Variants in TMEM65 observed in about 807,000 individuals in gnomAD.
The protein encoded by TMEM65 is transmembrane protein 65.
TMEM65 carries 22 observed loss-of-function variants against 25.4 expected under a neutral mutation model. That is an observed-to-expected ratio of 0.86 (90% confidence interval 0.62 to 1.23). The LOEUF (loss-of-function observed/expected upper bound fraction) is 1.23, where lower values mean the gene tolerates loss of function less well. Among genes scored for constraint, TMEM65 ranks in the 50% most tolerant of loss-of-function variants. The pLI, the probability that TMEM65 is intolerant of heterozygous loss-of-function variation, is 0.00. For synonymous variants in TMEM65, 132 were observed against 126.2 expected (o/e 1.05, Z -0.31); for missense variants, 262 against 308.2 (o/e 0.85, Z 1.12).
chr8:124,365,787 C>T (rs1814930693), intron 1 of TMEM65, among the ~76,000 whole-genome samples: 1 of 152,188 alleles, frequency 6.6e-6, no homozygotes, highest in African/African-American at 2.4e-5. Context: ...ACATTCTGCC[C>T]TGGACTCTCT....
intron 2 of TMEM65, among the ~76,000 whole-genome samples, chr8:124,328,423 A>G (rs986597794): frequency 6.6e-6 from 1 of 151,960 alleles, no homozygotes; most frequent in Non-Finnish European, 1.5e-5. Flanking sequence ...AAAAATTGTA[A>G]CTAGGAAGAA....
At chr8:124,331,982 C>T (rs1463347156) in intron 1 of TMEM65, among the ~76,000 whole-genome samples, 5 of 151,946 alleles carry the variant, frequency 3.3e-5, no homozygotes, top group African/African-American at 7.2e-5. Context: ...ACTAAAACCT[C>T]GAGTTTAATT....
Position 124,313,873 on chromosome 8 carries a change from T to C in TMEM65, c.*87A>G. ...TTATTTGATCCCATATCTATACTGT[T>C]ACTGTCTTAATTCCTAAATGTTGTG... On this transcript the variant is annotated 3_prime_UTR_variant, in exon 7 of 7. Coordinates refer to ENST00000297632, the MANE Select transcript of TMEM65 (RefSeq NM_194291.3). 1 of 877,312 alleles carries C rather than the reference T, an allele frequency of 1.1e-6. No individual in the cohort carries two copies. The highest frequency in any genetic ancestry group is 1.5e-5 in the South Asian group (1 of 65,176). The allele number at this position is 877,312 out of a possible 1,614,324, so 54.3% of individuals were successfully genotyped here. A position where few individuals can be genotyped will look rare whatever the true frequency, so the allele number is the denominator to read the frequency against.
At chr8:124,351,195 A>G (rs1424949746) in intron 1 of TMEM65, 5 of 844,594 alleles carry the variant, frequency 5.9e-6, no homozygotes, top group Admixed American at 6.2e-5. Context: ...AAATATATAT[A>G]AAACTTAGAA....
intron 1 of TMEM65, among the ~76,000 whole-genome samples, chr8:124,364,378 G>A (rs1033160769): frequency 2.0e-5 from 3 of 152,126 alleles, no homozygotes; most frequent in African/African-American, 7.2e-5. Flanking sequence ...GGAGGGAGGG[G>A]CAGACTAAGC....
intron 1 of TMEM65, among the ~76,000 whole-genome samples, chr8:124,352,460 C>T (rs2131220472): frequency 6.9e-6 from 1 of 145,842 alleles, no homozygotes; most frequent in African/African-American, 2.6e-5. Context: ...CACTTAAATT[C>T]CTTGAATTTA....
chr8:124,371,861 A>G lies in TMEM65; in HGVS notation c.297T>C (p.Ile99=). Residue 99 remains isoleucine, a synonymous_variant, in exon 1 of 7, where the codon ATT becomes ATC. Coordinates refer to ENST00000297632, the MANE Select transcript of TMEM65 (RefSeq NM_194291.3). The part of the protein sequence containing the change: ...KELHRFESIA[I]AQEKLEAPPP... ...CCCACCTGCCCCCCTTACCTTGGGC[A>G]ATGGCAATAGACTCGAAGCGGTGCA... 2 of 1,533,504 alleles carry G rather than the reference A, an allele frequency of 1.3e-6. No homozygotes were observed. The highest frequency in any genetic ancestry group is 8.7e-7 in the Non-Finnish European group (1 of 1,145,714). The allele number at this position is 1,533,504 out of a possible 1,614,324, so 95.0% of individuals were successfully genotyped here. A position where few individuals can be genotyped will look rare whatever the true frequency, so the allele number is the denominator to read the frequency against.
intron 1 of TMEM65, among the ~76,000 whole-genome samples, chr8:124,344,926 A>T (rs1409715180): frequency 6.6e-6 from 1 of 152,206 alleles, no homozygotes; most frequent in East Asian, 1.9e-4. Context: ...AATTCCATAG[A>T]GACCAAGCAA....
At chr8:124,325,872 T>C (rs1344357245) in intron 3 of TMEM65, among the ~76,000 whole-genome samples, 2 of 152,060 alleles carry the variant, frequency 1.3e-5, no homozygotes, top group Non-Finnish European at 2.9e-5. Context: ...ACATAAATTT[T>C]ATAATCTATA....
At chr8:124,353,586 T>C (rs934228740) in intron 1 of TMEM65, among the ~76,000 whole-genome samples, 4 of 152,030 alleles carry the variant, frequency 2.6e-5, no homozygotes, top group African/African-American at 9.7e-5. Flanking sequence ...TAAATACTAA[T>C]CTACACTGAG....
chr8:124,339,917 T>G (rs953509534), intron 1 of TMEM65, among the ~76,000 whole-genome samples: 1 of 151,878 alleles, frequency 6.6e-6, no homozygotes, highest in African/African-American at 2.4e-5. Flanking sequence ...GTGGCCACAA[T>G]AGGGAAGTTT....
intron 1 of TMEM65, among the ~76,000 whole-genome samples, 159 bp downstream of exon 1, chr8:124,371,695 C>T (rs575493469): frequency 2.3e-3 from 352 of 152,274 alleles, no homozygotes; most frequent in Middle Eastern, 0.01. Context: ...AGTCTCCCCG[C>T]CCCCAGCCGT....
intron 1 of TMEM65, chr8:124,351,067 A>C (rs546761041): frequency 2.0e-6 from 2 of 984,928 alleles, no homozygotes; most frequent in East Asian, 1.1e-4. Flanking sequence ...TGCTGAGGAT[A>C]CTTCCTTCGC....
chr8:124,318,164 C>T (rs573171334), intron 6 of TMEM65, among the ~76,000 whole-genome samples: 1 of 151,972 alleles, frequency 6.6e-6, no homozygotes, highest in East Asian at 1.9e-4. Flanking sequence ...TCCCTCACAG[C>T]CACAAAAAAA....
chr8:124,340,858 T>G (rs990103022), intron 1 of TMEM65, among the ~76,000 whole-genome samples: 9 of 152,134 alleles, frequency 5.9e-5, no homozygotes, highest in African/African-American at 2.2e-4. Context: ...ACATTTTGCT[T>G]CTTCTACAGT....
chr8:124,313,904 A>G lies in TMEM65; in HGVS notation c.*56T>C. The G allele has an allele frequency of 1.7e-6, 2 of 1,165,552 alleles. No homozygotes were observed. The highest frequency in any genetic ancestry group is 4.9e-5 in the East Asian group (2 of 40,796). The allele number at this position is 1,165,552 out of a possible 1,614,324, so 72.2% of individuals were successfully genotyped here. ...CTTAATTCCTAAATGTTGTGACAGC[A>G]TATTTAATTACTGAGGTACATTAGT... is the stretch of plus-strand genomic sequence containing the variant. On this transcript the variant is annotated 3_prime_UTR_variant, in exon 7 of 7. Coordinates refer to ENST00000297632, the MANE Select transcript of TMEM65 (RefSeq NM_194291.3).
At chr8:124,327,950 C>A (rs889490624) in intron 2 of TMEM65, among the ~76,000 whole-genome samples, 1 of 151,928 alleles carries the variant, frequency 6.6e-6, no homozygotes, top group Non-Finnish European at 1.5e-5. Flanking sequence ...ATCTATATTA[C>A]CTCATCTATG....
In TMEM65 at chr8:124,371,937, T is replaced by TCG; in HGVS notation, c.219_220dup (p.Asp74AlafsTer42). On this transcript the variant is annotated frameshift_variant, in exon 1 of 7. Transcript: ENST00000297632. LOFTEE classifies it high-confidence loss of function. ...CGTGGAGTGCAGGCTGTAGATGAAG[T>TCG]CGCGCGCGCCCTGCGCCGTGTTCAG... 6.6e-7 allele frequency: 1 copy of TCG among 1,524,926 alleles called. No individual in the cohort carries two copies. The highest frequency in any genetic ancestry group is 8.8e-7 in the Non-Finnish European group (1 of 1,139,910). The allele number at this position is 1,524,926 out of a possible 1,614,324, so 94.5% of individuals were successfully genotyped here. A position where few individuals can be genotyped will look rare whatever the true frequency, so the allele number is the denominator to read the frequency against.
At chr8:124,315,153 T>G (rs1033982636) in intron 6 of TMEM65, among the ~76,000 whole-genome samples, 7 of 152,200 alleles carry the variant, frequency 4.6e-5, no homozygotes, top group Non-Finnish European at 1.0e-4. Flanking sequence ...ACTAATCTTA[T>G]GCAGTCTGTC....
Sources: gnomAD v4.1 joint callset for allele counts (sites outside exome capture counted in the v4.1 genomes callset) on GRCh38, gnomAD v4.1.1 for gene constraint, MANE v1.5 for transcripts, NCBI Gene and HGNC (gene_info 2026-07-23, HGNC 2026-07-21) for gene names.